Variants in CAMTA1 observed in about 807,000 individuals in gnomAD.
CAMTA1 encodes calmodulin binding transcription activator 1, also known as calmodulin-binding transcription activator 1.
CAMTA1 carries 27 observed loss-of-function variants against 170.9 expected under a neutral mutation model. The ratio of observed to expected loss-of-function variants is 0.16; its 90% confidence interval spans 0.12 to 0.22. CAMTA1 has a LOEUF of 0.22. Ranked by LOEUF, CAMTA1 falls within the 10% of genes least tolerant of loss-of-function variation. The pLI is 1.00. For missense variants in CAMTA1, 1,619 were observed against 2,217.2 expected, an observed-to-expected ratio of 0.73 and a Z score of 5.42; for synonymous variants, 833 against 891.5, an observed-to-expected ratio of 0.93 and a Z score of 1.17.
intron 4 of CAMTA1, among the ~76,000 whole-genome samples, chr1:7,235,279 G>A (rs115196216): frequency 1.5e-3 from 231 of 152,246 alleles, no homozygotes; most frequent in African/African-American, 5.3e-3. Context: ...CGATGAGACT[G>A]ACTGCATGAA....
Position 7,216,048 on chromosome 1 carries a change from C to T in CAMTA1, c.303-33443C>T, listed in dbSNP as rs746235067. Among the ~76,000 whole-genome samples, 22 of 152,196 alleles carry T rather than the reference C, an allele frequency of 1.4e-4. No individual in the cohort carries two copies. Among genetic ancestry groups the T allele is most frequent in the Non-Finnish European group, 2.9e-4 (20 of 68,044 alleles). On this transcript the variant is annotated intron_variant, in intron 4 of 22. Transcript: ENST00000303635. The surrounding 1 kb of genome is among the most constrained non-coding windows in gnomAD (Gnocchi z 4.0). ...GAAGTTTAATTGACTCATGGTTCCA[C>T]AGGCTTTACAGGAAGCATGGCTGGG... is the stretch of plus-strand genomic sequence containing the variant.
At position 7,299,728 on chromosome 1, in the gene CAMTA1, A is replaced by C. The variant is rs1674492203; in HGVS notation, c.438+50102A>C. 6.6e-6 allele frequency among the ~76,000 whole-genome samples: 1 copy of C among 152,210 alleles called. No homozygotes were observed. Among genetic ancestry groups the C allele is most frequent in the African/African-American group, 2.4e-5 (1 of 41,448 alleles). ...GCAGGGACTGTGGGTGAGAGGGTACAAGGAGGTGTTCCAACCCCTCACTGA... is the reference window on the plus strand; with the variant it reads ...GCAGGGACTGTGGGTGAGAGGGTACCAGGAGGTGTTCCAACCCCTCACTGA... On this transcript the variant is annotated intron_variant, in intron 5 of 22. Coordinates refer to ENST00000303635, the MANE Select transcript of CAMTA1 (RefSeq NM_015215.4). This position sits in a 1 kb window ranked among gnomAD's most constrained non-coding sequence, Gnocchi z 4.7.
intron 5 of CAMTA1, among the ~76,000 whole-genome samples, chr1:7,301,454 C>T (rs1258601597): frequency 6.6e-6 from 1 of 152,196 alleles, no homozygotes; most frequent in Non-Finnish European, 1.5e-5. Flanking sequence ...CTTATAGTTT[C>T]CCAGCCCTTG....
At chr1:7,006,341 TA>T (rs1436756778) in intron 3 of CAMTA1, among the ~76,000 whole-genome samples, 3 of 152,106 alleles carry the variant, frequency 2.0e-5, no homozygotes, top group Non-Finnish European at 4.4e-5. Context: ...ATAAAGTACA[TA>T]AAAGCAGAAA....
chr1:7,557,698 T>C (rs2150230608), intron 6 of CAMTA1, among the ~76,000 whole-genome samples: 1 of 152,332 alleles, frequency 6.6e-6, no homozygotes, highest in Non-Finnish European at 1.5e-5. Flanking sequence ...ACTGGGCACC[T>C]ACCGTGTGCC....
At chr1:7,303,373 G>A (rs1050086120) in intron 5 of CAMTA1, among the ~76,000 whole-genome samples, 1 of 152,114 alleles carries the variant, frequency 6.6e-6, no homozygotes, top group African/African-American at 2.4e-5. Flanking sequence ...GTATAAAACT[G>A]TATAAAAAGT....
chr1:7,150,416 G>A (rs1646504639), intron 4 of CAMTA1, among the ~76,000 whole-genome samples: 1 of 152,170 alleles, frequency 6.6e-6, no homozygotes, highest in South Asian at 2.1e-4. Flanking sequence ...AGCAGATGGG[G>A]AGGGGAGATG....
chr1:7,443,953 A>G lies in CAMTA1; in HGVS notation c.439-23877A>G, dbSNP rs561333557. Among the ~76,000 whole-genome samples the G allele has an allele frequency of 6.6e-6, 1 of 151,700 alleles. No homozygotes were observed. The highest frequency in any genetic ancestry group is 2.1e-4 in the South Asian group (1 of 4,718). ...ATCCCCAGTCTTGTTGGGCTCAGACATTGTGATCCGTCGGTGAGCCATCGA... is the reference window on the plus strand; with the variant it reads ...ATCCCCAGTCTTGTTGGGCTCAGACGTTGTGATCCGTCGGTGAGCCATCGA... On this transcript the variant is annotated intron_variant, in intron 5 of 22. Transcript: ENST00000303635. This position sits in a 1 kb window ranked among gnomAD's most constrained non-coding sequence, Gnocchi z 4.1.
chr1:7,263,854 A>G (rs1375937272), intron 5 of CAMTA1, among the ~76,000 whole-genome samples: 1 of 152,226 alleles, frequency 6.6e-6, no homozygotes, highest in Non-Finnish European at 1.5e-5. Context: ...AAGTATTTCC[A>G]AGGCTGTATA....
chr1:6,839,902 A>G (rs1277649052), intron 3 of CAMTA1, among the ~76,000 whole-genome samples: 2 of 152,196 alleles, frequency 1.3e-5, no homozygotes, highest in African/African-American at 4.8e-5. Context: ...AAGTAGGCAT[A>G]AAGAGTTGAG....
intron 5 of CAMTA1, among the ~76,000 whole-genome samples, chr1:7,278,585 G>T (rs1671065752): frequency 1.3e-5 from 2 of 152,194 alleles, no homozygotes; most frequent in African/African-American, 4.8e-5. Context: ...AGGTCACTTA[G>T]CTCGTCACAG....
intron 6 of CAMTA1, among the ~76,000 whole-genome samples, chr1:7,543,836 A>T (rs1315773413): frequency 2.7e-4 from 15 of 56,468 alleles, no homozygotes; most frequent in African/African-American, 1.3e-3. Flanking sequence ...AGCGAGCAGA[A>T]CTTTTTTTTT....
chr1:7,047,757 G>T (rs1705639747), intron 3 of CAMTA1, among the ~76,000 whole-genome samples: 1 of 147,602 alleles, frequency 6.8e-6, no homozygotes, highest in South Asian at 2.1e-4. Context: ...TAGGATTAGA[G>T]ATTGAAGCTG....
At chr1:7,472,393 C>T (rs916489527) in intron 6 of CAMTA1, among the ~76,000 whole-genome samples, 1 of 152,090 alleles carries the variant, frequency 6.6e-6, no homozygotes, top group African/African-American at 2.4e-5. Context: ...GGAGCGGTGA[C>T]CATGCCACTG....
rs539644573 is a variant in CAMTA1, at chr1:7,650,945, C to T, written c.664+10392C>T. On this transcript the variant is annotated intron_variant, in intron 7 of 22. Coordinates refer to ENST00000303635, the MANE Select transcript of CAMTA1 (RefSeq NM_015215.4). ...GGCTGCCATTTCCCATTGACCTTGT[C>T]GCCATGGAGACAGCCTTCTAGTGTC... Among the ~76,000 whole-genome samples the T allele has an allele frequency of 6.0e-4, 91 of 152,312 alleles. 1 individual carries two copies. The highest frequency in any genetic ancestry group is 5.2e-3 in the South Asian group (25 of 4,830).
intron 4 of CAMTA1, among the ~76,000 whole-genome samples, chr1:7,136,977 T>C (rs1319830864): frequency 6.6e-6 from 1 of 152,196 alleles, no homozygotes; most frequent in Non-Finnish European, 1.5e-5. Context: ...AGCCCTGGCT[T>C]TCCCCTGGCC....
chr1:7,710,053 C>T (rs931303140), intron 11 of CAMTA1, among the ~76,000 whole-genome samples: 2 of 152,156 alleles, frequency 1.3e-5, no homozygotes, highest in Admixed American at 6.5e-5. Flanking sequence ...TCTGTTATGA[C>T]GCCACATTTA....
intron 1 of CAMTA1, among the ~76,000 whole-genome samples, chr1:6,793,000 TTTC>T (rs1641544535): frequency 6.6e-6 from 1 of 150,708 alleles, no homozygotes; most frequent in Admixed American, 6.6e-5. Context: ...CCCAACTTCA[TTTC>T]TTCATACCAC....
chr1:7,588,203 A>G lies in CAMTA1; in HGVS notation c.511-52197A>G, dbSNP rs140092314. Among the ~76,000 whole-genome samples, 174 of 152,140 alleles carry G rather than the reference A, an allele frequency of 1.1e-3. 2 individuals are homozygous for G. The highest frequency in any genetic ancestry group is 4.1e-3 in the African/African-American group (169 of 41,440). On this transcript the variant is annotated intron_variant, in intron 6 of 22. Transcript: ENST00000303635. This position sits in a 1 kb window ranked among gnomAD's most constrained non-coding sequence, Gnocchi z 5.8. ...GTCTCTCTCTGCCTCTCAGCCAGGA[A>G]AATCCCTACCCCAGGACAAGCTCCT...
Sources: allele counts gnomAD v4.1 joint callset (sites outside exome capture counted in the v4.1 genomes callset), GRCh38; gene constraint gnomAD v4.1.1; non-coding constraint Gnocchi (gnomAD v3.1); transcripts MANE v1.5; gene names NCBI Gene and HGNC (gene_info 2026-07-23, HGNC 2026-07-21).